Variants in FAS observed in about 807,000 individuals in gnomAD.
The protein encoded by FAS is Fas cell surface death receptor.
FAS carries 5 observed loss-of-function variants against 33.2 expected under a neutral mutation model. The observed-to-expected ratio is 0.15, with a 90% CI of 0.08 to 0.32. The LOEUF (loss-of-function observed/expected upper bound fraction) is 0.32, where lower values mean the gene tolerates loss of function less well. Among genes scored for constraint, FAS ranks in the 10% least tolerant of loss-of-function variants. FAS has a pLI of 1.00. For missense variants in FAS, 339 were observed against 386.0 expected, an observed-to-expected ratio of 0.88 and a Z score of 1.02; for synonymous variants, 131 against 130.7, an observed-to-expected ratio of 1.00 and a Z score of -0.01.
chr10:88,965,284 C>T (rs953765346), intron 1 of FAS, among the ~76,000 whole-genome samples: 3 of 151,692 alleles, frequency 2.0e-5, no homozygotes, highest in Non-Finnish European at 2.9e-5. Context: ...CCCTGCCCTT[C>T]TACATATAGT....
At chr10:88,973,369 G>T in intron 2 of FAS, 1 of 1,446,558 alleles carries the variant, frequency 6.9e-7, no homozygotes. Context: ...ATTGCCAGGC[G>T]AACAATTGTG....
chr10:88,989,445 C>G, upstream of FAS: 1 of 539,280 alleles, frequency 1.9e-6, no homozygotes. Context: ...TCCTCCTTAT[C>G]CCACTTCTTT....
At chr10:88,972,581 C>T (rs923019593) in intron 1 of FAS, among the ~76,000 whole-genome samples, 32 of 151,248 alleles carry the variant, frequency 2.1e-4, no homozygotes, top group African/African-American at 7.8e-4. Flanking sequence ...TGTAATTTAT[C>T]TATTAGCTTT....
chr10:88,987,230 C>T (rs968593251), upstream of FAS, among the ~76,000 whole-genome samples: 4 of 152,216 alleles, frequency 2.6e-5, no homozygotes, highest in Non-Finnish European at 4.4e-5. Context: ...ATTATCTTTA[C>T]TTGAGCTTGA....
chr10:88,989,318 A>C, upstream of FAS: 10 of 294,938 alleles, frequency 3.4e-5, no homozygotes, highest in Non-Finnish European at 6.9e-5. Flanking sequence ...TCCTTCCCTC[A>C]CACCCCTTTT....
intron 7 of FAS, chr10:89,012,476 C>T: frequency 4.5e-6 from 1 of 221,796 alleles, no homozygotes; most frequent in Non-Finnish European, 9.1e-6. Context: ...TCACATCCGG[C>T]CTGTTACTTT....
chr10:88,977,098 T>C (rs1846581489), intron 2 of FAS, among the ~76,000 whole-genome samples: 2 of 152,186 alleles, frequency 1.3e-5, no homozygotes, highest in Non-Finnish European at 2.9e-5. Flanking sequence ...GATAATTTTC[T>C]CCCATTTTGT....
chr10:88,994,820 A>G (rs1416267743), intron 1 of FAS, among the ~76,000 whole-genome samples: 1 of 151,064 alleles, frequency 6.6e-6, no homozygotes, highest in Non-Finnish European at 1.5e-5. Context: ...TTTATTATTT[A>G]TTTTTTAATT....
upstream of FAS, among the ~76,000 whole-genome samples, chr10:88,988,342 G>C (rs1846970264): frequency 6.6e-6 from 1 of 151,272 alleles, no homozygotes. Context: ...AAAACAATTT[G>C]GTTGACAACA....
At chr10:89,000,245 T>C (rs1002580554) in intron 1 of FAS, among the ~76,000 whole-genome samples, 6 of 152,202 alleles carry the variant, frequency 3.9e-5, no homozygotes, top group African/African-American at 1.2e-4. Flanking sequence ...AACCAAAATT[T>C]ATATAAAGAA....
rs779039838 is a variant in FAS, at chr10:89,003,065, G to A, written c.67G>A (p.Val23Ile). Residue 23 changes from valine to isoleucine, a missense_variant, in exon 2 of 9, where the codon GTT (valine) becomes ATT (isoleucine). Around this residue, in one of 3 missense-constraint regions of FAS, gnomAD observed 276 missense variants for 300.1 expected, o/e 0.92. Coordinates refer to ENST00000652046, the MANE Select transcript of FAS (RefSeq NM_000043.6). ...TGTTGCTAGATTATCGTCCAAAAGT[G>A]TTAATGCCCAAGTGACTGACATCAA... Reference protein sequence around the residue: ...TSVARLSSKSVNAQVTDINSK... With the variant: ...TSVARLSSKSINAQVTDINSK... 1.4e-5 allele frequency: 22 copies of A among 1,614,010 alleles called. No homozygotes were observed. The African/African-American group carries it at 2.3e-4, about 17-fold the overall frequency.
intron 1 of FAS, among the ~76,000 whole-genome samples, chr10:89,000,014 C>A (rs757536232): frequency 1.3e-5 from 2 of 152,150 alleles, no homozygotes; most frequent in Non-Finnish European, 2.9e-5. Flanking sequence ...ATTTTTGTGT[C>A]CAGTAATTTT....
At chr10:88,973,418 C>T (rs1805370377) in intron 2 of FAS, 1 of 1,252,192 alleles carries the variant, frequency 8.0e-7, no homozygotes, top group South Asian at 2.1e-5. Flanking sequence ...ACAACTCTTT[C>T]TTGTTAGCCA....
intron 2 of FAS, among the ~76,000 whole-genome samples, chr10:89,004,863 G>A (rs949170998): frequency 4.6e-5 from 7 of 152,022 alleles, no homozygotes; most frequent in Non-Finnish European, 1.0e-4. Context: ...CCCTCTTGTT[G>A]AATTTTAGGC....
At chr10:88,994,087 C>A (rs775864928) in intron 1 of FAS, among the ~76,000 whole-genome samples, 1 of 152,204 alleles carries the variant, frequency 6.6e-6, no homozygotes. Context: ...GGAATTTGGA[C>A]GTTGTCTCTG....
intron 1 of FAS, among the ~76,000 whole-genome samples, chr10:88,997,908 T>C (rs992457772): frequency 2.0e-5 from 3 of 152,174 alleles, no homozygotes; most frequent in Non-Finnish European, 4.4e-5. Context: ...CTCTAGTTCA[T>C]ATTGGCACCT....
Position 88,990,815 on chromosome 10 carries a change from G to T in FAS, c.-62G>T. On this transcript the variant is annotated 5_prime_UTR_variant, in exon 1 of 9. Transcript: ENST00000652046. The surrounding 1 kb of genome is among the most constrained non-coding windows in gnomAD (Gnocchi z 4.9). The stretch of plus-strand genomic sequence containing the variant: ...GGAGCTGCCTCTTCTCCCGCGGGTT[G>T]GTGGACCCGCTCAGTACGGAGTTGG... 6.2e-7 allele frequency: 1 copy of T among 1,610,788 alleles called. No homozygotes were observed. The highest frequency in any genetic ancestry group is 8.5e-7 in the Non-Finnish European group (1 of 1,177,072).
At chr10:88,992,369 G>T (rs567092206) in intron 1 of FAS, 19 of 152,186 alleles carry the variant, frequency 1.2e-4, no homozygotes, top group Non-Finnish European at 2.6e-4. Flanking sequence ...TTGCACCACT[G>T]CAATGTTGGC....
chr10:88,982,209 T>G (rs192778867), upstream of FAS, among the ~76,000 whole-genome samples: 2 of 152,296 alleles, frequency 1.3e-5, no homozygotes. Context: ...GTGCACACAA[T>G]AAGAAGACCT....
Sources: gnomAD v4.1 joint callset for allele counts (sites outside exome capture counted in the v4.1 genomes callset) on GRCh38, gnomAD v4.1.1 for gene constraint, gnomAD v4.1.1 regional missense constraint, Gnocchi (gnomAD v3.1) non-coding constraint, MANE v1.5 for transcripts, NCBI Gene and HGNC (gene_info 2026-07-23, HGNC 2026-07-21) for gene names.